The following TGM2 variants were observed in gnomAD, a reference collection of about 807,000 sequenced individuals.
TGM2 encodes transglutaminase 2.
Under a neutral mutation model 75.6 loss-of-function variants are expected in TGM2, and 53 were observed. That is an observed-to-expected ratio of 0.70 (90% CI 0.56 to 0.88). The LOEUF (loss-of-function observed/expected upper bound fraction) is 0.88. Ranked by LOEUF, TGM2 falls within the 40% of genes least tolerant of loss-of-function variation. The pLI is 0.00. For synonymous variants in TGM2, 374 were observed against 381.1 expected, an observed-to-expected ratio of 0.98 and a Z score of 0.22; for missense variants, 842 against 928.5, an observed-to-expected ratio of 0.91 and a Z score of 1.21.
chr20:38,135,141 C>T (rs1010726692), intron 10 of TGM2, among the ~76,000 whole-genome samples: 7 of 152,206 alleles, frequency 4.6e-5, no homozygotes, highest in African/African-American at 1.2e-4. Flanking sequence ...CTCAGGGTCC[C>T]GATGGTGACT....
chr20:38,145,592 T>G (rs2075034243), intron 6 of TGM2: 1 of 151,940 alleles, frequency 6.6e-6, no homozygotes, highest in South Asian at 2.1e-4. Context: ...TATTAACTCA[T>G]TTAATCCTCA....
chr20:38,165,701 C>T (rs888892141), upstream of TGM2, among the ~76,000 whole-genome samples: 8 of 147,036 alleles, frequency 5.4e-5, no homozygotes, highest in Non-Finnish European at 1.2e-4. Context: ...CACACACACA[C>T]GCACACACTC....
chr20:38,149,007 G>A lies in TGM2; in HGVS notation c.553-918C>T, dbSNP rs138321125. On this transcript the variant is annotated intron_variant, in intron 4 of 12. Transcript: ENST00000361475. ...CCCTCTGTGGCTCCCTATTGCCATC[G>A]GCCTAATGTTCAGGGCTGTTCCACA... is the stretch of plus-strand genomic sequence containing the variant. Among the ~76,000 whole-genome samples, 505 of 152,214 alleles carry A rather than the reference G, an allele frequency of 3.3e-3. 5 individuals carry two copies. Among genetic ancestry groups the A allele is most frequent in the African/African-American group, 0.012 (479 of 41,522 alleles).
intron 2 of TGM2, 143 bp downstream of exon 2, chr20:38,161,277 G>T: frequency 5.3e-6 from 6 of 1,126,412 alleles, no homozygotes; most frequent in South Asian, 1.4e-5. Context: ...CTAAAATGGG[G>T]CTGATGACAG....
In TGM2 at chr20:38,139,501, C is replaced by A; in HGVS notation, c.1253G>T (p.Arg418Leu). ...DDGSVHKSIN[R>L]SLIVGLKIST... ...GATCTTCAGCCCAACGATCAGGGAA[C>A]GGTTGATGGATTTGTGCACAGACCC... is the stretch of plus-strand genomic sequence containing the variant. Residue 418 changes from arginine (R) to leucine (L), a missense_variant, in exon 9 of 13, where the codon CGT becomes CTT. By Grantham distance (102) the Arg-to-Leu change is moderately radical. Transcript: ENST00000361475. 6.2e-7 allele frequency: 1 copy of A among 1,614,186 alleles called. No individual in the cohort carries two copies. Among genetic ancestry groups the A allele is most frequent in the Non-Finnish European group, 8.5e-7 (1 of 1,180,038 alleles).
At chr20:38,135,402 T>TACACACACAC (rs1323023847) in intron 10 of TGM2, among the ~76,000 whole-genome samples, 1 of 83,826 alleles carries the variant, frequency 1.2e-5, no homozygotes, top group Non-Finnish European at 2.6e-5. Flanking sequence ...CTCCTAAATG[T>TACACACACAC]ATACACACAC....
chr20:38,151,149 C>A, intron 3 of TGM2, 92 bp from the exon 4 acceptor site: 1 of 886,506 alleles, frequency 1.1e-6, no homozygotes, highest in Non-Finnish European at 1.9e-6. Context: ...TTCCCTAGGC[C>A]AAGCCAGCGT....
At chr20:38,135,717 C>A (rs540337521) in intron 10 of TGM2, among the ~76,000 whole-genome samples, 1 of 152,174 alleles carries the variant, frequency 6.6e-6, no homozygotes, top group East Asian at 1.9e-4. Context: ...CAGGAACCCC[C>A]GAGCCCAGGG....
chr20:38,130,493 T>G, intron 12 of TGM2, 124 bp from the exon 13 acceptor site: 10 of 1,079,570 alleles, frequency 9.3e-6, no homozygotes, highest in Non-Finnish European at 1.3e-5. Flanking sequence ...TGGGCCTCAT[T>G]CTCGGCCCTC....
At chr20:38,149,690 A>AAAAAACAAAAAAC (rs2075093127) in intron 4 of TGM2, among the ~76,000 whole-genome samples, 2 of 148,898 alleles carry the variant, frequency 1.3e-5, no homozygotes, top group African/African-American at 5.1e-5. Flanking sequence ...AAAAAAAAAA[A>AAAAAACAAAAAAC]AAAAAAAAAA....
chr20:38,165,784 C>T (rs1317946248), upstream of TGM2, among the ~76,000 whole-genome samples: 4 of 151,960 alleles, frequency 2.6e-5, no homozygotes, highest in African/African-American at 9.7e-5. Flanking sequence ...GAGATACACA[C>T]ACAAACACAG....
At chr20:38,149,692 A>AAAAAAAAAAC (rs1568695301) in intron 4 of TGM2, among the ~76,000 whole-genome samples, 165 of 146,944 alleles carry the variant, frequency 1.1e-3, no homozygotes, top group African/African-American at 2.8e-3. Flanking sequence ...AAAAAAAAAA[A>AAAAAAAAAAC]AAAAAAAAAC....
At position 38,156,074 on chromosome 20, in the gene TGM2, T is replaced by A; in HGVS notation, c.206A>T (p.Gln69Leu). The A allele has an allele frequency of 6.2e-7, 1 of 1,613,260 alleles. No individual in the cohort carries two copies. The highest frequency in any genetic ancestry group is 8.5e-7 in the Non-Finnish European group (1 of 1,179,906). ...AAAACGGGCCTTGGTCCCGGCCTCC[T>A]GGCTAGGGGCTGGGCCTGTGGAGGG... is the stretch of plus-strand genomic sequence containing the variant. ...FSVVTGPAPS[Q>L]EAGTKARFPL... Residue 69 changes from glutamine to leucine, a missense_variant, in exon 3 of 13, where the codon CAG (glutamine) becomes CTG (leucine). Coordinates refer to ENST00000361475, the MANE Select transcript of TGM2 (RefSeq NM_004613.4).
At chr20:38,144,150 G>A (rs530943308) in intron 6 of TGM2, among the ~76,000 whole-genome samples, 1 of 152,258 alleles carries the variant, frequency 6.6e-6, no homozygotes, top group Admixed American at 6.5e-5. Context: ...CAGGGGTGGT[G>A]TCCCGGGAGG....
In TGM2 at chr20:38,151,605, G is replaced by A. The variant is rs146618945; in HGVS notation, c.434-548C>T. On this transcript the variant is annotated intron_variant, in intron 3 of 12. Coordinates refer to ENST00000361475, the MANE Select transcript of TGM2 (RefSeq NM_004613.4). ...AGCCCTGAGGTAGCGTGAGGGAGGC[G>A]CATGATTCAAGGCAGAGAGAACTCA... Among the ~76,000 whole-genome samples the A allele has an allele frequency of 2.2e-3, 332 of 152,272 alleles. 1 individual carries two copies. Among genetic ancestry groups the A allele is most frequent in the African/African-American group, 7.6e-3 (316 of 41,540 alleles).
chr20:38,149,473 C>A (rs1170068939), intron 4 of TGM2, among the ~76,000 whole-genome samples: 3 of 151,928 alleles, frequency 2.0e-5, no homozygotes, highest in Admixed American at 6.6e-5. Flanking sequence ...GTCAGGAGAT[C>A]GAGACCATCC....
At chr20:38,136,764 G>T (rs1160856983) in intron 10 of TGM2, among the ~76,000 whole-genome samples, 1 of 152,180 alleles carries the variant, frequency 6.6e-6, no homozygotes, top group African/African-American at 2.4e-5. Context: ...CTGCTGGGTG[G>T]TGGTGGGGCT....
At chr20:38,146,581 G>C (rs1007494329) in intron 6 of TGM2, 136 bp downstream of exon 6, 1 of 1,061,918 alleles carries the variant, frequency 9.4e-7, no homozygotes, top group Non-Finnish European at 1.4e-6. Flanking sequence ...GGTGGTCACA[G>C]GCTCTAGGCC....
chr20:38,156,176 C>T, intron 2 of TGM2, 87 bp from the exon 3 acceptor site: 2 of 1,506,400 alleles, frequency 1.3e-6, no homozygotes, highest in East Asian at 2.3e-5. Context: ...AGCTTGGGCT[C>T]CAGGCCTAGT....
Sources: allele counts gnomAD v4.1 joint callset (sites outside exome capture counted in the v4.1 genomes callset), GRCh38; gene constraint gnomAD v4.1.1; transcripts MANE v1.5; gene names NCBI Gene and HGNC (gene_info 2026-07-23, HGNC 2026-07-21).